Variants in NACC2 observed in about 807,000 individuals in gnomAD.
NACC2 encodes NACC family member 2, also known as nucleus accumbens-associated protein 2.
A neutral mutation model predicts 25.1 loss-of-function variants in NACC2; 8 were observed. That is an observed-to-expected ratio of 0.32 (90% CI 0.19 to 0.57). The LOEUF (loss-of-function observed/expected upper bound fraction) is 0.57. NACC2 is among the 20% of genes least tolerant of loss of function. The pLI is 0.89. For synonymous variants in NACC2, 435 were observed against 294.7 expected, an observed-to-expected ratio of 1.48 and a Z score of -4.88; for missense variants, 644 against 650.2, an observed-to-expected ratio of 0.99 and a Z score of 0.10.
chr9:136,061,459 C>T (rs1386615009), intron 1 of NACC2, among the ~76,000 whole-genome samples: 1 of 152,204 alleles, frequency 6.6e-6, no homozygotes, highest in African/African-American at 2.4e-5. Context: ...GAACCCTGAC[C>T]ATTGAGGGGC....
At chr9:136,025,876 C>T (rs1288562260) in intron 2 of NACC2, among the ~76,000 whole-genome samples, 1 of 152,126 alleles carries the variant, frequency 6.6e-6, no homozygotes, top group Non-Finnish European at 1.5e-5. Flanking sequence ...GATTGTGCCA[C>T]TGCACTCCAG....
At chr9:136,089,308 A>G (rs1830411371) in intron 1 of NACC2, among the ~76,000 whole-genome samples, 1 of 152,080 alleles carries the variant, frequency 6.6e-6, no homozygotes, top group Non-Finnish European at 1.5e-5. Context: ...CGTCTTCCTG[A>G]GGTCCCCACG....
At chr9:136,077,813 T>A (rs1325733249) in intron 1 of NACC2, among the ~76,000 whole-genome samples, 1 of 152,184 alleles carries the variant, frequency 6.6e-6, no homozygotes, top group African/African-American at 2.4e-5. Flanking sequence ...TAAGTGAAAG[T>A]AGTTTGAAAA....
chr9:136,054,767 C>G lies in NACC2; in HGVS notation c.-59-4187G>C, dbSNP rs59998878. Among the ~76,000 whole-genome samples the G allele has an allele frequency of 7.3e-3, 1,118 of 152,270 alleles. 54 individuals carry two copies. The East Asian group carries it at 0.15, about 20-fold the overall frequency. On this transcript the variant is annotated intron_variant, in intron 1 of 5. Transcript: ENST00000277554. ...CCCCTTCTCGGTGAGATTCAACACACTCATTCACTTATGGAAAGTTCTGCA... is the reference window on the plus strand; with the variant it reads ...CCCCTTCTCGGTGAGATTCAACACAGTCATTCACTTATGGAAAGTTCTGCA...
At chr9:136,066,873 T>G (rs1012473843) in intron 1 of NACC2, among the ~76,000 whole-genome samples, 1 of 150,196 alleles carries the variant, frequency 6.7e-6, no homozygotes, top group African/African-American at 2.5e-5. Flanking sequence ...TGAAAAAAAA[T>G]GCTGGTCACA....
rs1235672352 is a variant in NACC2 at position 136,019,245 on chromosome 9, G to C, written c.887-2816C>G. 1 of 149,044 alleles carries C rather than the reference G, an allele frequency of 6.7e-6. No individual in the cohort carries two copies. The highest frequency in any genetic ancestry group is 1.5e-5 in the Non-Finnish European group (1 of 66,112). 9.2% of individuals were successfully genotyped at this position (149,044 alleles called of 1,614,324 possible). ...GAACCCGCAGAGAGACTTGTTCATG[G>C]CAGAGACAGGACGGCTCATCCCTCG... On this transcript the variant is annotated intron_variant, in intron 2 of 5. Coordinates refer to ENST00000277554, the MANE Select transcript of NACC2 (RefSeq NM_144653.5). The surrounding 1 kb of genome is among the most constrained non-coding windows in gnomAD (Gnocchi z 5.2).
intron 1 of NACC2, among the ~76,000 whole-genome samples, chr9:136,056,326 C>G (rs530721919): frequency 6.7e-6 from 1 of 148,982 alleles, no homozygotes; most frequent in Non-Finnish European, 1.5e-5. Flanking sequence ...GGGCCCTCGG[C>G]GGCCAGGAAC....
At chr9:136,051,029 G>A (rs546028932) in intron 1 of NACC2, among the ~76,000 whole-genome samples, 5,630 of 152,322 alleles carry the variant, frequency 0.037, 148 homozygotes, top group African/African-American at 0.074. Flanking sequence ...TGGAGCAGCG[G>A]GGAAGGAGGG....
At chr9:136,016,066 G>A (rs956570817) in intron 3 of NACC2, among the ~76,000 whole-genome samples, 199 bp downstream of exon 3, 1 of 152,190 alleles carries the variant, frequency 6.6e-6, no homozygotes, top group African/African-American at 2.4e-5. Flanking sequence ...CAGCCCAGGG[G>A]ATTCAATTAA....
chr9:136,021,814 A>C (rs1186631359), intron 2 of NACC2, among the ~76,000 whole-genome samples: 2 of 152,216 alleles, frequency 1.3e-5, no homozygotes, highest in African/African-American at 4.8e-5. Flanking sequence ...GATGGATCTC[A>C]AATCGTGCTG....
intron 1 of NACC2, among the ~76,000 whole-genome samples, chr9:136,071,219 A>C (rs1468012670): frequency 6.6e-6 from 1 of 151,462 alleles, no homozygotes; most frequent in Non-Finnish European, 1.5e-5. Flanking sequence ...CCTGGGAGAC[A>C]GAGCAAGACT....
rs2131139957 is a variant in NACC2, at chr9:136,022,927, A to G, written c.887-6498T>C. 6.7e-6 allele frequency among the ~76,000 whole-genome samples: 1 copy of G among 149,158 alleles called. No individual in the cohort carries two copies. The highest frequency in any genetic ancestry group is 2.2e-4 in the South Asian group (1 of 4,602). On this transcript the variant is annotated intron_variant, in intron 2 of 5. Transcript: ENST00000277554. The surrounding 1 kb of genome is among the most constrained non-coding windows in gnomAD (Gnocchi z 4.4). ...ATGCCACGCCACACCGTGCCTGTTA[A>G]GACACAGCCCGTTTCGTGGATGCTG...
At position 136,010,676 on chromosome 9, in the gene NACC2, C is replaced by T. The variant is rs1840091797; in HGVS notation, c.*840G>A. ...CAAAACCTAAAAAAAACAAGACAAGCATAATCCCAAAGTGGCTGAGGCGGC... is the reference window on the plus strand; with the variant it reads ...CAAAACCTAAAAAAAACAAGACAAGTATAATCCCAAAGTGGCTGAGGCGGC... On this transcript the variant is annotated 3_prime_UTR_variant, in exon 6 of 6. Coordinates refer to ENST00000277554, the MANE Select transcript of NACC2 (RefSeq NM_144653.5). This position sits in a 1 kb window ranked among gnomAD's most constrained non-coding sequence, Gnocchi z 4.9. 1 of 152,232 alleles carries T rather than the reference C, an allele frequency of 6.6e-6. No individual in the cohort carries two copies. The highest frequency in any genetic ancestry group is 2.1e-4 in the South Asian group (1 of 4,834). 9.4% of individuals were successfully genotyped at this position (152,232 alleles called of 1,614,324 possible). A position where few individuals can be genotyped will look rare whatever the true frequency, so the allele number is the denominator to read the frequency against.
rs1379859392 is a variant in NACC2, at chr9:136,018,877, A to G, written c.887-2448T>C. On this transcript the variant is annotated intron_variant, in intron 2 of 5. Transcript: ENST00000277554. The surrounding 1 kb of genome is among the most constrained non-coding windows in gnomAD (Gnocchi z 4.4). ...CGCACGGTGCGTGGCATTTACATAA[A>G]GAGTTCACCAACAGAAATAATTCCC... 1.3e-5 allele frequency among the ~76,000 whole-genome samples: 2 copies of G among 152,210 alleles called. No individual in the cohort carries two copies. The highest frequency in any genetic ancestry group is 2.9e-5 in the Non-Finnish European group (2 of 68,044).
chr9:136,047,000 C>T (rs1200570682), intron 2 of NACC2, among the ~76,000 whole-genome samples: 3 of 152,178 alleles, frequency 2.0e-5, no homozygotes, highest in Non-Finnish European at 2.9e-5. Context: ...GGTGCAGCTC[C>T]GGGACCCTCG....
intron 1 of NACC2, among the ~76,000 whole-genome samples, chr9:136,087,343 C>A (rs10122801): frequency 0.54 from 82,255 of 151,992 alleles, 23,862 homozygotes; most frequent in South Asian, 0.67. Context: ...ACCCTGCCCC[C>A]CTCCAACACA....
chr9:136,056,507 G>A (rs1840926824), intron 1 of NACC2, among the ~76,000 whole-genome samples: 1 of 152,228 alleles, frequency 6.6e-6, no homozygotes, highest in Non-Finnish European at 1.5e-5. Flanking sequence ...CAAGTCACAA[G>A]AGCCAGAGAG....
intron 1 of NACC2, among the ~76,000 whole-genome samples, chr9:136,058,235 G>A (rs1416714210): frequency 1.3e-5 from 2 of 152,206 alleles, no homozygotes; most frequent in East Asian, 1.9e-4. Context: ...CACCAACCTC[G>A]CCCTGCCTTT....
At chr9:136,044,268 C>A (rs1415905246) in intron 2 of NACC2, among the ~76,000 whole-genome samples, 1 of 152,164 alleles carries the variant, frequency 6.6e-6, no homozygotes, top group South Asian at 2.1e-4. Context: ...GTAATCGCAG[C>A]TTTTTGGGAG....
Sources: allele counts gnomAD v4.1 joint callset (sites outside exome capture counted in the v4.1 genomes callset), GRCh38; gene constraint gnomAD v4.1.1; non-coding constraint Gnocchi (gnomAD v3.1); transcripts MANE v1.5; gene names NCBI Gene and HGNC (gene_info 2026-07-23, HGNC 2026-07-21).